TMEM131L: variants seen among roughly 807,000 people sequenced by gnomAD.
TMEM131L encodes the protein transmembrane protein 131-like.
In TMEM131L, 54 loss-of-function variants were observed where a neutral mutation model predicts 192.2. The observed-to-expected ratio is 0.28, with a 90% CI of 0.23 to 0.35. TMEM131L has a LOEUF of 0.35. Ranked by LOEUF, TMEM131L falls within the 10% of genes least tolerant of loss-of-function variation. The probability of loss-of-function intolerance (pLI) is 1.00; values close to 1 mark genes in which losing one functional copy is unlikely to be tolerated. For missense variants in TMEM131L, 1,888 were observed against 1,972.9 expected, an observed-to-expected ratio of 0.96 and a Z score of 0.82; for synonymous variants, 701 against 704.9, an observed-to-expected ratio of 0.99 and a Z score of 0.09.
intron 13 of TMEM131L, 60 bp from the exon 14 acceptor site, chr4:153,586,149 A>C: frequency 8.2e-7 from 1 of 1,224,478 alleles, no homozygotes; most frequent in Non-Finnish European, 1.1e-6. Context: ...ATACTTTATA[A>C]TGATTTTAAT....
chr4:153,544,792 T>A (rs2150360778), intron 3 of TMEM131L, among the ~76,000 whole-genome samples: 1 of 152,318 alleles, frequency 6.6e-6, no homozygotes, highest in East Asian at 1.9e-4. Context: ...TGGGTTTTGA[T>A]CGTGGGCATA....
chr4:153,556,052 T>G (rs1186596566), intron 5 of TMEM131L, 142 bp downstream of exon 5: 2 of 742,218 alleles, frequency 2.7e-6, no homozygotes, highest in Admixed American at 3.7e-5. Flanking sequence ...TGTGTTTACC[T>G]TAGCATTTAC....
chr4:153,591,258 A>G (rs951638623), intron 17 of TMEM131L, 64 bp downstream of exon 17: 17 of 1,438,988 alleles, frequency 1.2e-5, no homozygotes, highest in Non-Finnish European at 1.6e-5. Context: ...TTTTCAAAGT[A>G]CCAGATTGTG....
intron 7 of TMEM131L, among the ~76,000 whole-genome samples, chr4:153,578,595 A>G (rs1466331093): frequency 6.7e-6 from 1 of 148,728 alleles, no homozygotes; most frequent in East Asian, 2.0e-4. Context: ...ATCTCGGCAC[A>G]CTGCAAGCTC....
chr4:153,624,930 C>G (rs1733724723), intron 29 of TMEM131L, among the ~76,000 whole-genome samples: 1 of 152,170 alleles, frequency 6.6e-6, no homozygotes, highest in African/African-American at 2.4e-5. Flanking sequence ...GAGGAAGTGC[C>G]CACGTGTACG....
intron 3 of TMEM131L, among the ~76,000 whole-genome samples, chr4:153,543,740 G>T (rs927493144): frequency 2.0e-5 from 3 of 152,200 alleles, no homozygotes; most frequent in Non-Finnish European, 4.4e-5. Context: ...GATGGTGGTT[G>T]ACTAAGTATC....
chr4:153,483,060 A>G (rs1455025326), intron 3 of TMEM131L, among the ~76,000 whole-genome samples: 1 of 152,242 alleles, frequency 6.6e-6, no homozygotes, highest in East Asian at 1.9e-4. Flanking sequence ...ATAATTTTGA[A>G]GGGTTAGTCT....
chr4:153,556,829 T>C (rs1728495800), intron 5 of TMEM131L, 137 bp from the exon 6 acceptor site: 4 of 572,816 alleles, frequency 7.0e-6, no homozygotes, highest in Non-Finnish European at 1.2e-5. Flanking sequence ...TGGGGATTCT[T>C]AGGGATTCAT....
At chr4:153,524,131 G>GTTTT (rs57178282) in intron 3 of TMEM131L, among the ~76,000 whole-genome samples, 4 of 122,724 alleles carry the variant, frequency 3.3e-5, no homozygotes, top group Non-Finnish European at 5.1e-5. Context: ...TTTCACTTCT[G>GTTTT]TTTTTTTTTT....
chr4:153,622,810 A>T lies in TMEM131L; in HGVS notation c.3860-88A>T. ...GGTAGCTGAAGGTGAACCTGGCCCT[A>T]CTCCTCCTGTCACCTCTCTCTTTCT... is the stretch of plus-strand genomic sequence containing the variant. On this transcript the variant is annotated intron_variant, in intron 28 of 34. Coordinates refer to ENST00000409959, the MANE Select transcript of TMEM131L (RefSeq NM_001131007.2). The T allele has an allele frequency of 3.0e-6, 4 of 1,332,942 alleles. No individual in the cohort carries two copies. In the South Asian group the frequency reaches 3.6e-5, roughly 12 times the overall value. 82.6% of individuals were successfully genotyped at this position (1,332,942 alleles called of 1,614,324 possible).
intron 3 of TMEM131L, among the ~76,000 whole-genome samples, chr4:153,518,433 GA>G (rs1432123267): frequency 6.6e-6 from 1 of 152,178 alleles, no homozygotes; most frequent in East Asian, 1.9e-4. Context: ...TGAGGCCTAT[GA>G]AAATAAGATG....
At chr4:153,468,637 A>T (rs552931093) in intron 2 of TMEM131L, among the ~76,000 whole-genome samples, 3 of 152,170 alleles carry the variant, frequency 2.0e-5, no homozygotes, top group African/African-American at 7.2e-5. Flanking sequence ...TGGGCTACAG[A>T]GTTCTTTGTT....
intron 9 of TMEM131L, among the ~76,000 whole-genome samples, 161 bp from the exon 10 acceptor site, chr4:153,583,029 A>T (rs190359218): frequency 6.2e-4 from 94 of 151,908 alleles, no homozygotes; most frequent in African/African-American, 2.2e-3. Context: ...AAAAGAAAAC[A>T]CCTCCTAGTT....
intron 3 of TMEM131L, among the ~76,000 whole-genome samples, chr4:153,515,912 AT>A (rs58389534): frequency 0.054 from 7,163 of 132,398 alleles, 485 homozygotes; most frequent in African/African-American, 0.17. Flanking sequence ...TCCTCTGCCC[AT>A]TTTTTTTTTT....
rs898270600 is a variant in TMEM131L at position 153,630,247 on chromosome 4, A to G, written c.4208-2471A>G. On this transcript the variant is annotated intron_variant, in intron 31 of 34. Transcript: ENST00000409959. ...ATCAGACCTAGGGAAGGTGGAACCA[A>G]TCTGCTTTGTCTGTCTCATACATTT... Among the ~76,000 whole-genome samples, 8 of 152,206 alleles carry G rather than the reference A, an allele frequency of 5.3e-5. No individual in the cohort carries two copies. The South Asian group carries it at 1.4e-3, about 28-fold the overall frequency.
At chr4:153,480,312 C>T (rs902231735) in intron 3 of TMEM131L, among the ~76,000 whole-genome samples, 1 of 152,088 alleles carries the variant, frequency 6.6e-6, no homozygotes, top group African/African-American at 2.4e-5. Context: ...GCACTCCAGC[C>T]TGGGCGACAG....
chr4:153,514,771 A>G (rs1734592586), intron 3 of TMEM131L, among the ~76,000 whole-genome samples: 1 of 152,172 alleles, frequency 6.6e-6, no homozygotes, highest in Admixed American at 6.5e-5. Flanking sequence ...TAGAATTTAC[A>G]CTTCATAGAA....
At chr4:153,608,642 C>T (rs1289278680) in intron 25 of TMEM131L, among the ~76,000 whole-genome samples, 13 of 152,188 alleles carry the variant, frequency 8.5e-5, no homozygotes, top group Admixed American at 7.2e-4. Flanking sequence ...TTACATTCCT[C>T]ACCTTTCTGA....
chr4:153,555,999 C>T lies in TMEM131L; in HGVS notation c.432+89C>T. On this transcript the variant is annotated intron_variant, in intron 5 of 34. Transcript: ENST00000409959. The surrounding 1 kb of genome is among the most constrained non-coding windows in gnomAD (Gnocchi z 4.1). ...TGGCCTGAAGTTTTTACTTTCTGCT[C>T]CCTGTCTCCCGCTTTTTCTGGTACC... The T allele has an allele frequency of 7.5e-7, 1 of 1,328,382 alleles. No homozygotes were observed. Among genetic ancestry groups the T allele is most frequent in the South Asian group, 1.4e-5 (1 of 69,902 alleles). The allele number at this position is 1,328,382 out of a possible 1,614,324, so 82.3% of individuals were successfully genotyped here.
Sources: gnomAD v4.1 joint callset for allele counts (sites outside exome capture counted in the v4.1 genomes callset) on GRCh38, gnomAD v4.1.1 for gene constraint, Gnocchi (gnomAD v3.1) non-coding constraint, MANE v1.5 for transcripts, NCBI Gene and HGNC (gene_info 2026-07-23, HGNC 2026-07-21) for gene names.